The following MORC2 variants were observed in gnomAD, a reference collection of about 807,000 sequenced individuals.
The protein encoded by MORC2 is ATPase MORC2.
A neutral mutation model predicts 136.0 loss-of-function variants in MORC2; 30 were observed. The ratio of observed to expected loss-of-function variants is 0.22; its 90% CI spans 0.17 to 0.30. MORC2 has a LOEUF of 0.30. MORC2 is among the 10% of genes least tolerant of loss of function. The pLI is 1.00. For synonymous variants in MORC2, 439 were observed against 487.0 expected, an observed-to-expected ratio of 0.90 and a Z score of 1.30; for missense variants, 922 against 1,333.1, an observed-to-expected ratio of 0.69 and a Z score of 4.80.
chr22:30,932,302 G>T lies in MORC2; in HGVS notation c.2841+57C>A. 7.2e-7 allele frequency: 1 copy of T among 1,383,628 alleles called. No individual in the cohort carries two copies. The allele number at this position is 1,383,628 out of a possible 1,614,324, so 85.7% of individuals were successfully genotyped here. On this transcript the variant is annotated intron_variant, in intron 24 of 25. Coordinates refer to ENST00000397641, the MANE Select transcript of MORC2 (RefSeq NM_001303256.3). The surrounding 1 kb of genome is among the most constrained non-coding windows in gnomAD (Gnocchi z 4.4). ...CATAATCACAACAGTTACAACAAAT[G>T]CAGGGGCAGGGGTGGGGGAATGAAG...
chr22:30,931,830 C>T (rs2040580013), intron 24 of MORC2, among the ~76,000 whole-genome samples: 1 of 152,272 alleles, frequency 6.6e-6, no homozygotes, highest in Non-Finnish European at 1.5e-5. Context: ...CTCTTGAAGG[C>T]AAGACTCTCT....
Position 30,932,175 on chromosome 22 carries a change from T to A in MORC2, c.2841+184A>T, listed in dbSNP as rs1276185718. 1.6e-5 allele frequency: 10 copies of A among 616,844 alleles called. No homozygotes were observed. In the South Asian group the frequency reaches 2.1e-4, roughly 13 times the overall value. 38.2% of individuals were successfully genotyped at this position (616,844 alleles called of 1,614,324 possible). ...CAGAGTCATATCCAGCTAAGCCAAT[T>A]TTTTTCCCACATCATAAACTCTCCT... On this transcript the variant is annotated intron_variant, in intron 24 of 25. Transcript: ENST00000397641. The surrounding 1 kb of genome is among the most constrained non-coding windows in gnomAD (Gnocchi z 4.4).
At chr22:30,933,927 G>A (rs538431232) in intron 20 of MORC2, 133 bp downstream of exon 20, 23 of 1,076,894 alleles carry the variant, frequency 2.1e-5, no homozygotes, top group Non-Finnish European at 2.4e-5. Flanking sequence ...CTGCTGGTGG[G>A]GGGGGTAGAC....
chr22:30,956,863 G>C (rs532606832), intron 2 of MORC2, 66 bp from the exon 3 acceptor site: 1 of 1,246,754 alleles, frequency 8.0e-7, no homozygotes, highest in East Asian at 2.6e-5. Context: ...AATGCATAGT[G>C]ATTTGAGTAG....
In MORC2 at chr22:30,946,209, A is replaced by G. The variant is rs2040812879; in HGVS notation, c.426+132T>C. On this transcript the variant is annotated intron_variant, in intron 6 of 25. Coordinates refer to ENST00000397641, the MANE Select transcript of MORC2 (RefSeq NM_001303256.3). ...CCAATTCATCCAGCCAGCTAACTGC[A>G]TAACAATTAGGGGGAATGTGCTCCA... 8 of 620,408 alleles carry G rather than the reference A, an allele frequency of 1.3e-5. No individual in the cohort carries two copies. The East Asian group carries it at 1.5e-4, about 11-fold the overall frequency. The allele number at this position is 620,408 out of a possible 1,614,324, so 38.4% of individuals were successfully genotyped here. A position where few individuals can be genotyped will look rare whatever the true frequency, so the allele number is the denominator to read the frequency against.
chr22:30,958,854 TC>T, intron 1 of MORC2, 160 bp from the exon 2 acceptor site: 1 of 573,052 alleles, frequency 1.7e-6, no homozygotes, highest in Non-Finnish European at 3.1e-6. Flanking sequence ...GCTCCCCAAC[TC>T]CCCTCAATTG....
intron 3 of MORC2, among the ~76,000 whole-genome samples, chr22:30,951,253 G>A (rs1602501417): frequency 1.3e-5 from 2 of 152,216 alleles, no homozygotes; most frequent in South Asian, 2.1e-4. Context: ...TGAAAAGAAC[G>A]TCTTCTCTCA....
intron 3 of MORC2, 145 bp downstream of exon 3, chr22:30,956,618 T>C (rs192364553): frequency 7.3e-5 from 49 of 675,648 alleles, no homozygotes; most frequent in Admixed American, 1.2e-4. Flanking sequence ...TGACTACGGC[T>C]GCCCCTTTTC....
At chr22:30,957,627 G>T (rs2040985514) in intron 2 of MORC2, among the ~76,000 whole-genome samples, 1 of 152,130 alleles carries the variant, frequency 6.6e-6, no homozygotes, top group Non-Finnish European at 1.5e-5. Flanking sequence ...CACAAAAAAA[G>T]CAGCCTGCCA....
chr22:30,968,444 GCAGCTTCACCA>G lies in MORC2; in HGVS notation c.-566_-556del, dbSNP rs1444045239. 1 of 152,652 alleles carries G rather than the reference GCAGCTTCACCA, an allele frequency of 6.6e-6. No individual in the cohort carries two copies. Among genetic ancestry groups the G allele is most frequent in the East Asian group, 1.9e-4 (1 of 5,200 alleles). 9.5% of individuals were successfully genotyped at this position (152,652 alleles called of 1,614,324 possible). A position where few individuals can be genotyped will look rare whatever the true frequency, so the allele number is the denominator to read the frequency against. On this transcript the variant is annotated 5_prime_UTR_variant, in exon 1 of 26. Transcript: ENST00000397641. ...GACGGAGTGTTATATGGCGCAAGTT[GCAGCTTCACCA>G]CCTCCCAAGTGAAAAAGCTCCTAGG... is the stretch of plus-strand genomic sequence containing the variant.
At chr22:30,944,195 C>T (rs1228930549) in intron 6 of MORC2, among the ~76,000 whole-genome samples, 6 of 152,144 alleles carry the variant, frequency 3.9e-5, no homozygotes, top group Non-Finnish European at 5.9e-5. Flanking sequence ...TCCAAAATAG[C>T]GACCTTCTAG....
At chr22:30,933,173 G>T in intron 21 of MORC2, 143 bp from the exon 22 acceptor site, 5 of 1,236,374 alleles carry the variant, frequency 4.0e-6, no homozygotes, top group Non-Finnish European at 5.6e-6. Flanking sequence ...GGGACACAGA[G>T]ACCAGGGACC....
At chr22:30,929,755 T>C (rs5749199) in intron 24 of MORC2, 61,575 of 151,768 alleles carry the variant, frequency 0.41, 13,593 homozygotes, top group East Asian at 0.67. Context: ...AACGAGACTC[T>C]GTCTCAAAAA....
At chr22:30,951,901 G>A (rs543645379) in intron 3 of MORC2, among the ~76,000 whole-genome samples, 1 of 151,898 alleles carries the variant, frequency 6.6e-6, no homozygotes, top group Non-Finnish European at 1.5e-5. Context: ...TGCCTCCCAG[G>A]TTCAAGCGAT....
chr22:30,928,334 T>C, intron 24 of MORC2, 127 bp from the exon 25 acceptor site: 1 of 861,102 alleles, frequency 1.2e-6, no homozygotes, highest in South Asian at 1.6e-5. Flanking sequence ...ACATCTTAGA[T>C]ACAAAGGGCA....
chr22:30,966,434 A>C (rs2041129085), intron 1 of MORC2, among the ~76,000 whole-genome samples: 1 of 152,140 alleles, frequency 6.6e-6, no homozygotes, highest in Admixed American at 6.5e-5. Flanking sequence ...AACCTCACCC[A>C]AGTGTGTTTC....
At position 30,953,367 on chromosome 22, in the gene MORC2, C is replaced by T. The variant is rs1449879841; in HGVS notation, c.158-2922G>A. ...ATATCCTGGGAACAGCTCTGTAAGA[C>T]TGTCAAAGCCAATCTGAAAGTCTGC... On this transcript the variant is annotated intron_variant, in intron 3 of 25. Coordinates refer to ENST00000397641, the MANE Select transcript of MORC2 (RefSeq NM_001303256.3). Among the ~76,000 whole-genome samples, 7 of 152,194 alleles carry T rather than the reference C, an allele frequency of 4.6e-5. No individual in the cohort carries two copies. The East Asian group carries it at 1.3e-3, about 29-fold the overall frequency.
At position 30,934,001 on chromosome 22, in the gene MORC2, T is replaced by C; in HGVS notation, c.2325+59A>G. 1 of 1,596,684 alleles carries C rather than the reference T, an allele frequency of 6.3e-7. No individual in the cohort carries two copies. Among genetic ancestry groups the C allele is most frequent in the Non-Finnish European group, 8.6e-7 (1 of 1,167,552 alleles). On this transcript the variant is annotated intron_variant, in intron 20 of 25. Coordinates refer to ENST00000397641, the MANE Select transcript of MORC2 (RefSeq NM_001303256.3). The surrounding 1 kb of genome is among the most constrained non-coding windows in gnomAD (Gnocchi z 4.4). ...ACTGCTGATGGGGGGTGCAGACTGC[T>C]GGTGGGGGCTGCAGGCCCTAGAGAG...
chr22:30,953,259 G>A (rs2040916723), intron 3 of MORC2, among the ~76,000 whole-genome samples: 1 of 152,214 alleles, frequency 6.6e-6, no homozygotes, highest in South Asian at 2.1e-4. Context: ...AGCAGCTGGG[G>A]GTTGTATGTT....
Sources: gnomAD v4.1 joint callset for allele counts (sites outside exome capture counted in the v4.1 genomes callset) on GRCh38, gnomAD v4.1.1 for gene constraint, Gnocchi (gnomAD v3.1) non-coding constraint, MANE v1.5 for transcripts, NCBI Gene and HGNC (gene_info 2026-07-23, HGNC 2026-07-21) for gene names.